The following MYT1L variants were observed in gnomAD, a reference collection of about 807,000 sequenced individuals.
The protein encoded by MYT1L is myelin transcription factor 1-like protein.
Under a neutral mutation model 126.7 loss-of-function variants are expected in MYT1L, and 12 were observed. The ratio of observed to expected loss-of-function variants is 0.09; its 90% CI spans 0.06 to 0.15. The LOEUF (loss-of-function observed/expected upper bound fraction) is 0.15, where lower values mean the gene tolerates loss of function less well. Among genes scored for constraint, MYT1L ranks in the 10% least tolerant of loss-of-function variants. The pLI is 1.00. For missense variants in MYT1L, 979 were observed against 1,585.2 expected (o/e 0.62, Z 6.49); for synonymous variants, 541 against 604.2 (o/e 0.90, Z 1.53).
At chr2:2,311,925 T>C (rs1340986014) in intron 1 of MYT1L, among the ~76,000 whole-genome samples, 1 of 152,146 alleles carries the variant, frequency 6.6e-6, no homozygotes, top group African/African-American at 2.4e-5. Flanking sequence ...CACATTTAGG[T>C]CCTCCACCTA....
chr2:1,866,690 A>G (rs1232637688), intron 18 of MYT1L, among the ~76,000 whole-genome samples: 1 of 77,526 alleles, frequency 1.3e-5, no homozygotes, highest in African/African-American at 6.0e-5. Flanking sequence ...AGAGGCAGAG[A>G]GAGAGGGAGA....
At chr2:2,134,033 C>T (rs772731206) in intron 3 of MYT1L, among the ~76,000 whole-genome samples, 15 of 152,204 alleles carry the variant, frequency 9.9e-5, no homozygotes, top group Non-Finnish European at 1.9e-4. Flanking sequence ...TTGTTCCAAA[C>T]AGCTGAAAGT....
At chr2:2,269,586 T>C (rs1489511891) in intron 2 of MYT1L, among the ~76,000 whole-genome samples, 1 of 152,178 alleles carries the variant, frequency 6.6e-6, no homozygotes, top group East Asian at 1.9e-4. Flanking sequence ...CCCTCCAAGC[T>C]GTCATAGAGA....
rs577864230 is a variant in MYT1L at position 1,915,117 on chromosome 2, C to A, written c.1618+2088G>T. Among the ~76,000 whole-genome samples, 29 of 152,244 alleles carry A rather than the reference C, an allele frequency of 1.9e-4. 1 individual carries two copies. The highest frequency in any genetic ancestry group is 3.4e-3 in the Middle Eastern group (1 of 294). ...GCCAGTACAGTGTCTCGGGCAATGG[C>A]GTGTCCTCAGTGGTCCTGACACAGT... On this transcript the variant is annotated intron_variant, in intron 11 of 24. Coordinates refer to ENST00000647738, the MANE Select transcript of MYT1L (RefSeq NM_001303052.2).
chr2:1,831,320 C>G (rs2040160888), intron 21 of MYT1L, among the ~76,000 whole-genome samples: 1 of 151,996 alleles, frequency 6.6e-6, no homozygotes, highest in African/African-American at 2.4e-5. Context: ...CAAGATCTGT[C>G]TCCACCTGGT....
intron 3 of MYT1L, among the ~76,000 whole-genome samples, chr2:2,089,617 T>C (rs1342005659): frequency 6.6e-6 from 1 of 152,206 alleles, no homozygotes; most frequent in East Asian, 1.9e-4. Context: ...AAGGACTTTG[T>C]GCAACCATTT....
chr2:1,972,742 C>G (rs1442810504), intron 8 of MYT1L, among the ~76,000 whole-genome samples: 1 of 152,222 alleles, frequency 6.6e-6, no homozygotes, highest in African/African-American at 2.4e-5. Context: ...GGCACCCACA[C>G]TGGCAGGCAA....
chr2:1,847,015 G>T (rs935073729), intron 19 of MYT1L, among the ~76,000 whole-genome samples: 6 of 152,206 alleles, frequency 3.9e-5, no homozygotes, highest in Non-Finnish European at 5.9e-5. Context: ...AGGCCTTTGG[G>T]ATCCCTGTTG....
intron 13 of MYT1L, among the ~76,000 whole-genome samples, chr2:1,904,653 G>A (rs1367730699): frequency 1.3e-5 from 2 of 151,774 alleles, no homozygotes; most frequent in African/African-American, 4.8e-5. Context: ...TTATAGGCTT[G>A]AGCCACCACG....
At chr2:2,206,404 T>G (rs1025505335) in intron 2 of MYT1L, among the ~76,000 whole-genome samples, 1 of 152,226 alleles carries the variant, frequency 6.6e-6, no homozygotes, top group Admixed American at 6.5e-5. Flanking sequence ...ATCCTTTTGA[T>G]AAAACGTCCA....
chr2:2,243,443 G>A (rs2094474879), intron 2 of MYT1L, among the ~76,000 whole-genome samples: 1 of 152,124 alleles, frequency 6.6e-6, no homozygotes, highest in Non-Finnish European at 1.5e-5. Context: ...TGGGATTTAA[G>A]GTTCCCCAAC....
chr2:2,189,513 T>C (rs559280084), intron 2 of MYT1L, among the ~76,000 whole-genome samples: 2 of 152,364 alleles, frequency 1.3e-5, no homozygotes, highest in Admixed American at 1.3e-4. Flanking sequence ...TCAATAAATG[T>C]CTTTTTTATG....
intron 23 of MYT1L, among the ~76,000 whole-genome samples, chr2:1,792,670 G>C (rs1456469828): frequency 6.6e-6 from 1 of 152,088 alleles, no homozygotes; most frequent in Non-Finnish European, 1.5e-5. Context: ...AGGAATTCAA[G>C]ACCAGCCTGG....
At chr2:1,904,494 G>A (rs1323147985) in intron 13 of MYT1L, among the ~76,000 whole-genome samples, 2 of 151,072 alleles carry the variant, frequency 1.3e-5, no homozygotes, top group South Asian at 2.1e-4. Context: ...TCAGCCTCCC[G>A]AGTAGCTGGG....
At chr2:2,055,726 A>T (rs1306865476) in intron 3 of MYT1L, among the ~76,000 whole-genome samples, 1 of 152,242 alleles carries the variant, frequency 6.6e-6, no homozygotes. Context: ...AGCCACTCTA[A>T]TATATTGCCA....
intron 19 of MYT1L, among the ~76,000 whole-genome samples, chr2:1,851,292 G>A (rs2043232926): frequency 6.6e-6 from 1 of 152,130 alleles, no homozygotes; most frequent in African/African-American, 2.4e-5. Flanking sequence ...TAGAATGTGT[G>A]TCTCTTGATG....
intron 18 of MYT1L, among the ~76,000 whole-genome samples, chr2:1,863,809 C>A (rs2045066946): frequency 6.6e-6 from 1 of 152,150 alleles, no homozygotes; most frequent in Non-Finnish European, 1.5e-5. Context: ...CAAATGACTC[C>A]TTTAAAATAG....
At chr2:2,039,654 T>C (rs934965921) in intron 4 of MYT1L, among the ~76,000 whole-genome samples, 32 of 152,174 alleles carry the variant, frequency 2.1e-4, no homozygotes, top group African/African-American at 7.7e-4. Context: ...AAATCAAAGA[T>C]AGACAACTTT....
chr2:2,081,092 C>T (rs911383842), intron 3 of MYT1L, among the ~76,000 whole-genome samples: 6 of 152,062 alleles, frequency 3.9e-5, no homozygotes, highest in African/African-American at 1.4e-4. Context: ...ATGGTGATAG[C>T]CGCATAGCTC....
Sources: gnomAD v4.1 joint callset for allele counts (sites outside exome capture counted in the v4.1 genomes callset) on GRCh38, gnomAD v4.1.1 for gene constraint, MANE v1.5 for transcripts, NCBI Gene and HGNC (gene_info 2026-07-23, HGNC 2026-07-21) for gene names.